The following IRAK3 variants were observed in gnomAD, a reference collection of about 807,000 sequenced individuals.
The protein encoded by IRAK3 is interleukin-1 receptor-associated kinase 3.
IRAK3 carries 57 observed loss-of-function variants against 56.6 expected under a neutral mutation model. The observed-to-expected ratio is 1.01, with a 90% CI of 0.81 to 1.26. The LOEUF (loss-of-function observed/expected upper bound fraction) is 1.26. IRAK3 is among the 50% of genes most tolerant of loss of function. The pLI is 0.00. For missense variants in IRAK3, 703 were observed against 719.0 expected (o/e 0.98, Z 0.25); for synonymous variants, 258 against 255.7 (o/e 1.01, Z -0.09).
At chr12:66,222,910 G>C (rs1342672062) in intron 6 of IRAK3, among the ~76,000 whole-genome samples, 1 of 152,092 alleles carries the variant, frequency 6.6e-6, no homozygotes, top group Non-Finnish European at 1.5e-5. Flanking sequence ...TAATCACCTG[G>C]GTGCAGGCGG....
chr12:66,247,941 A>T lies in IRAK3; in HGVS notation c.1561A>T (p.Lys521Ter). ...TGAGGTTATGTTTCTGAGCTTGGAC[A>T]AAAAGCCAGAGAGCAAGAGAAATGA... ...QSEVMFLSLDKKPESKRNEEA... is the reference protein window; with the variant it reads ...QSEVMFLSLD The change falls in exon 12 of 12, where the codon AAA becomes TAA. Residue 521 changes from lysine (K) to a stop codon, truncating the protein, a stop_gained. Coordinates refer to ENST00000261233, the MANE Select transcript of IRAK3 (RefSeq NM_007199.3). LOFTEE classifies it low-confidence loss of function (END_TRUNC). 1 of 1,613,822 alleles carries T rather than the reference A, an allele frequency of 6.2e-7. No individual in the cohort carries two copies. Among genetic ancestry groups the T allele is most frequent in the Non-Finnish European group, 8.5e-7 (1 of 1,179,952 alleles).
intron 7 of IRAK3, among the ~76,000 whole-genome samples, chr12:66,227,679 A>T (rs954397953): frequency 6.6e-6 from 1 of 151,304 alleles, no homozygotes; most frequent in Non-Finnish European, 1.5e-5. Flanking sequence ...GAGTTGCTTG[A>T]GCCCAGGGAC....
At chr12:66,202,920 T>G (rs2052523249) in intron 1 of IRAK3, among the ~76,000 whole-genome samples, 1 of 152,034 alleles carries the variant, frequency 6.6e-6, no homozygotes, top group African/African-American at 2.4e-5. Context: ...TACTGGATTT[T>G]AACCTGTATG....
chr12:66,216,471 G>A (rs2052678103), intron 5 of IRAK3, among the ~76,000 whole-genome samples: 1 of 152,104 alleles, frequency 6.6e-6, no homozygotes, highest in South Asian at 2.1e-4. Context: ...ATGATAGAAC[G>A]TTACAACTGG....
Position 66,245,356 on chromosome 12 carries a change from A to G in IRAK3, c.1314+94A>G, listed in dbSNP as rs925073043. On this transcript the variant is annotated intron_variant, in intron 11 of 11. Transcript: ENST00000261233. Reference sequence around the variant, plus strand: ...TGTGTATCTAAGTGAATTATTTGTTAATGAGACAAATCCAGCCTCCAACAG... The same window carrying G: ...TGTGTATCTAAGTGAATTATTTGTTGATGAGACAAATCCAGCCTCCAACAG... The G allele has an allele frequency of 1.8e-5, 23 of 1,300,478 alleles. No individual in the cohort carries two copies. In the African/African-American group the frequency reaches 3.2e-4, roughly 18 times the overall value. The allele number at this position is 1,300,478 out of a possible 1,614,324, so 80.6% of individuals were successfully genotyped here. A position where few individuals can be genotyped will look rare whatever the true frequency, so the allele number is the denominator to read the frequency against.
At chr12:66,236,435 G>T (rs1265182533) in intron 8 of IRAK3, among the ~76,000 whole-genome samples, 5 of 151,082 alleles carry the variant, frequency 3.3e-5, no homozygotes, top group African/African-American at 1.2e-4. Context: ...AGGCATAGTG[G>T]CTTGTGCTTG....
At position 66,233,755 on chromosome 12, in the gene IRAK3, A is replaced by C. The variant is rs1392955469; in HGVS notation, c.887+5385A>C. ...TTCACGGTCTTTGTGCATACCCAGAAAATTGAAGTTTTCTTTTCTTTTTTC... is the reference window on the plus strand; with the variant it reads ...TTCACGGTCTTTGTGCATACCCAGACAATTGAAGTTTTCTTTTCTTTTTTC... On this transcript the variant is annotated intron_variant, in intron 8 of 11. Coordinates refer to ENST00000261233, the MANE Select transcript of IRAK3 (RefSeq NM_007199.3). Among the ~76,000 whole-genome samples, 11 of 151,696 alleles carry C rather than the reference A, an allele frequency of 7.3e-5. 1 individual carries two copies. The South Asian group carries it at 1.7e-3, about 23-fold the overall frequency.
intron 8 of IRAK3, chr12:66,235,258 G>C: frequency 6.3e-7 from 1 of 1,576,404 alleles, no homozygotes; most frequent in Non-Finnish European, 8.6e-7. Context: ...TGCTGCCCCC[G>C]GGGTTGCCGC....
intron 7 of IRAK3, 139 bp from the exon 8 acceptor site, chr12:66,228,113 T>G: frequency 1.1e-5 from 8 of 756,572 alleles, no homozygotes; most frequent in East Asian, 5.0e-5. Context: ...AAAATAGGTT[T>G]TGGAAAACCA....
At chr12:66,191,537 A>G (rs561479908) in intron 1 of IRAK3, among the ~76,000 whole-genome samples, 2 of 152,234 alleles carry the variant, frequency 1.3e-5, no homozygotes, top group Non-Finnish European at 2.9e-5. Context: ...ACTCCATGAT[A>G]CTTCAGCTGT....
At chr12:66,221,190 C>A (rs908114739) in intron 6 of IRAK3, among the ~76,000 whole-genome samples, 2 of 152,128 alleles carry the variant, frequency 1.3e-5, no homozygotes, top group Non-Finnish European at 2.9e-5. Context: ...AGCATATAGA[C>A]ACATAGTTGA....
chr12:66,221,414 G>T (rs1483675858), intron 6 of IRAK3, among the ~76,000 whole-genome samples: 1 of 152,194 alleles, frequency 6.6e-6, no homozygotes, highest in African/African-American at 2.4e-5. Context: ...GAAATGGAAA[G>T]GGTGGGCACA....
intron 1 of IRAK3, chr12:66,197,885 T>C (rs746921528): frequency 7.1e-6 from 7 of 984,956 alleles, no homozygotes; most frequent in Non-Finnish European, 8.4e-6. Context: ...CATGGCCTGC[T>C]GCACTTTTAA....
chr12:66,189,783 C>T (rs2052382213), intron 1 of IRAK3, among the ~76,000 whole-genome samples: 1 of 152,186 alleles, frequency 6.6e-6, no homozygotes, highest in Non-Finnish European at 1.5e-5. Flanking sequence ...AAAATCACCC[C>T]AGAACATCAT....
At chr12:66,216,480 G>T (rs1480292786) in intron 5 of IRAK3, among the ~76,000 whole-genome samples, 1 of 152,106 alleles carries the variant, frequency 6.6e-6, no homozygotes. Context: ...CGTTACAACT[G>T]GTGAGACCTA....
At chr12:66,215,074 T>G (rs1403519391) in intron 5 of IRAK3, among the ~76,000 whole-genome samples, 2 of 152,228 alleles carry the variant, frequency 1.3e-5, no homozygotes, top group African/African-American at 4.8e-5. Flanking sequence ...TCAAAATTAC[T>G]GAGAAGATGA....
chr12:66,197,606 A>G, intron 1 of IRAK3: 1 of 985,484 alleles, frequency 1.0e-6, no homozygotes, highest in Non-Finnish European at 1.2e-6. Flanking sequence ...CAATCCATGC[A>G]TGCAGGCAGT....
chr12:66,220,158 C>A (rs1344247994), intron 6 of IRAK3, among the ~76,000 whole-genome samples: 2 of 152,088 alleles, frequency 1.3e-5, no homozygotes, highest in Non-Finnish European at 2.9e-5. Flanking sequence ...CCTATGTTTT[C>A]TTCCAGATTT....
chr12:66,239,417 G>A (rs576678132), intron 8 of IRAK3, among the ~76,000 whole-genome samples: 1 of 152,062 alleles, frequency 6.6e-6, no homozygotes, highest in African/African-American at 2.4e-5. Context: ...GGGCATAGGG[G>A]GCCACAGATT....
Sources: gnomAD v4.1 joint callset for allele counts (sites outside exome capture counted in the v4.1 genomes callset) on GRCh38, gnomAD v4.1.1 for gene constraint, MANE v1.5 for transcripts, NCBI Gene and HGNC (gene_info 2026-07-23, HGNC 2026-07-21) for gene names.